Variants in ESRP1 observed in about 807,000 individuals in gnomAD.
The protein encoded by ESRP1 is epithelial splicing regulatory protein 1.
In ESRP1, 33 loss-of-function variants were observed where a neutral mutation model predicts 81.7. The ratio of observed to expected loss-of-function variants is 0.40; its 90% confidence interval spans 0.31 to 0.54. ESRP1 has a LOEUF of 0.54. Among genes scored for constraint, ESRP1 ranks in the 20% least tolerant of loss-of-function variants. The pLI is 0.41. For missense variants in ESRP1, 672 were observed against 833.1 expected (o/e 0.81, Z 2.38); for synonymous variants, 320 against 303.3 (o/e 1.06, Z -0.57).
chr8:94,647,109 A>G (rs1329449134), intron 4 of ESRP1, among the ~76,000 whole-genome samples: 1 of 152,230 alleles, frequency 6.6e-6, no homozygotes, highest in African/African-American at 2.4e-5. Flanking sequence ...TTCAGGAATT[A>G]AAACCTGGTT....
intron 13 of ESRP1, among the ~76,000 whole-genome samples, chr8:94,686,906 C>G (rs911324130): frequency 2.0e-5 from 3 of 152,112 alleles, no homozygotes; most frequent in Non-Finnish European, 4.4e-5. Flanking sequence ...TTATATTTCT[C>G]TAAACTACTG....
chr8:94,667,308 T>C (rs1676149731), intron 9 of ESRP1, among the ~76,000 whole-genome samples: 1 of 151,996 alleles, frequency 6.6e-6, no homozygotes. Flanking sequence ...CATTTAAGTA[T>C]TTGCTATATG....
At chr8:94,704,766 GAAAAAAAAAAAAAAA>G (rs10618511) in intron 15 of ESRP1, among the ~76,000 whole-genome samples, 2 of 108,752 alleles carry the variant, frequency 1.8e-5, no homozygotes, top group Non-Finnish European at 3.7e-5. Context: ...ATCTCTTTTT[GAAAAAAAAAAAAAAA>G]AAAAAAAAAA....
intron 13 of ESRP1, among the ~76,000 whole-genome samples, chr8:94,692,024 A>T (rs532349472): frequency 6.6e-6 from 1 of 152,204 alleles, no homozygotes; most frequent in South Asian, 2.1e-4. Context: ...TGTTCCTTGG[A>T]GGTTATGGTT....
At chr8:94,655,552 G>A (rs1456813658) in intron 4 of ESRP1, among the ~76,000 whole-genome samples, 3 of 151,858 alleles carry the variant, frequency 2.0e-5, no homozygotes, top group African/African-American at 7.3e-5. Flanking sequence ...TTCCTTCAAA[G>A]CTCACTTTAA....
In ESRP1 at chr8:94,668,270, A is replaced by G. The variant is rs749993626; in HGVS notation, c.1233+20A>G. 3 of 1,540,792 alleles carry G rather than the reference A, an allele frequency of 1.9e-6. No individual in the cohort carries two copies. Among genetic ancestry groups the G allele is most frequent in the African/African-American group, 2.7e-5 (2 of 72,746 alleles). On this transcript the variant is annotated intron_variant, in intron 10 of 15. Coordinates refer to ENST00000433389, the MANE Select transcript of ESRP1 (RefSeq NM_017697.4). ...CAGCAGGTTGGTTTTAAAAACAAGT[A>G]TGTTGTACCTTTGCATTAATTTCTG...
chr8:94,646,790 A>C (rs1817880152), intron 4 of ESRP1, among the ~76,000 whole-genome samples: 1 of 152,228 alleles, frequency 6.6e-6, no homozygotes, highest in South Asian at 2.1e-4. Flanking sequence ...AGATGATAAA[A>C]TGGGGTCTGG....
rs377154401 is a variant in ESRP1, at chr8:94,696,967, G to C, written c.*35+6G>C. On this transcript the variant is annotated splice_donor_region_variant and intron_variant, in intron 15 of 15. Coordinates refer to ENST00000433389, the MANE Select transcript of ESRP1 (RefSeq NM_017697.4). Reference sequence around the variant, plus strand: ...GAACATCCTCAGAAAAGAAGGTAAGGCTTTATGATGTGCAAGTTAAATTAT... The same window carrying C: ...GAACATCCTCAGAAAAGAAGGTAAGCCTTTATGATGTGCAAGTTAAATTAT... 3 of 1,529,252 alleles carry C rather than the reference G, an allele frequency of 2.0e-6. No homozygotes were observed. Among genetic ancestry groups the C allele is most frequent in the East Asian group, 2.4e-5 (1 of 41,642 alleles). The allele number at this position is 1,529,252 out of a possible 1,614,324, so 94.7% of individuals were successfully genotyped here.
At chr8:94,678,914 C>T (rs536393743) in intron 13 of ESRP1, among the ~76,000 whole-genome samples, 19 of 152,254 alleles carry the variant, frequency 1.2e-4, no homozygotes, top group African/African-American at 4.3e-4. Context: ...TTCAATTTCT[C>T]GGACATAGCA....
intron 15 of ESRP1, among the ~76,000 whole-genome samples, chr8:94,705,403 T>G (rs1377286438): frequency 1.3e-5 from 2 of 151,998 alleles, no homozygotes; most frequent in African/African-American, 2.4e-5. Flanking sequence ...CCTGACTTCA[T>G]GTGATCTGCC....
intron 4 of ESRP1, among the ~76,000 whole-genome samples, chr8:94,657,067 A>C (rs1285250205): frequency 2.0e-5 from 3 of 152,214 alleles, no homozygotes; most frequent in Non-Finnish European, 4.4e-5. Context: ...CCCTCCTGTT[A>C]ATATATAGAC....
chr8:94,656,667 GTC>G (rs1260549127), intron 4 of ESRP1, among the ~76,000 whole-genome samples: 1 of 152,116 alleles, frequency 6.6e-6, no homozygotes, highest in African/African-American at 2.4e-5. Context: ...GGTATTATAA[GTC>G]TGGCAGCATG....
chr8:94,704,589 A>C (rs1809981424), intron 15 of ESRP1, among the ~76,000 whole-genome samples: 1 of 151,906 alleles, frequency 6.6e-6, no homozygotes. Context: ...GATGGTGAGA[A>C]TCTGTCTTTA....
chr8:94,689,811 C>CTGTTTTTTTTTTTTTTTT (rs1809303768), intron 13 of ESRP1, among the ~76,000 whole-genome samples: 2 of 64,680 alleles, frequency 3.1e-5, no homozygotes, highest in Non-Finnish European at 5.9e-5. Context: ...TGATGCCTGG[C>CTGTTTTTTTTTTTTTTTT]TTTTTTTTTT....
At chr8:94,662,050 C>A (rs1348755296) in intron 4 of ESRP1, among the ~76,000 whole-genome samples, 1 of 152,108 alleles carries the variant, frequency 6.6e-6, no homozygotes, top group African/African-American at 2.4e-5. Context: ...AAATTGTATT[C>A]CTGGTAATAT....
rs1262292837 is a variant in ESRP1 at position 94,706,142 on chromosome 8, C to G, written c.*253C>G. The G allele has an allele frequency of 1.9e-6, 1 of 538,740 alleles. No homozygotes were observed. The highest frequency in any genetic ancestry group is 1.9e-5 in the African/African-American group (1 of 51,890). The allele number at this position is 538,740 out of a possible 1,614,324, so 33.4% of individuals were successfully genotyped here. A position where few individuals can be genotyped will look rare whatever the true frequency, so the allele number is the denominator to read the frequency against. ...AGCATGCAGCATACCTGGCTCTTTG[C>G]TGATTGCAAATAGGCATTTAAAATG... On this transcript the variant is annotated 3_prime_UTR_variant, in exon 16 of 16. Coordinates refer to ENST00000433389, the MANE Select transcript of ESRP1 (RefSeq NM_017697.4).
At chr8:94,698,878 G>T (rs536348254) in intron 15 of ESRP1, among the ~76,000 whole-genome samples, 1 of 152,294 alleles carries the variant, frequency 6.6e-6, no homozygotes, top group African/African-American at 2.4e-5. Context: ...TGGAAGTGAA[G>T]ATTTTTTTCA....
intron 12 of ESRP1, among the ~76,000 whole-genome samples, chr8:94,677,132 T>C (rs1048380734): frequency 6.6e-6 from 1 of 152,186 alleles, no homozygotes; most frequent in Non-Finnish European, 1.5e-5. Context: ...ATGAGATCAA[T>C]ATGTTAGTCT....
chr8:94,691,281 CAAAA>C (rs1050984587), intron 13 of ESRP1, among the ~76,000 whole-genome samples: 2 of 151,854 alleles, frequency 1.3e-5, no homozygotes, highest in African/African-American at 2.4e-5. Context: ...AACAAACAAA[CAAAA>C]AAACACAAAA....
Sources: allele counts gnomAD v4.1 joint callset (sites outside exome capture counted in the v4.1 genomes callset), GRCh38; gene constraint gnomAD v4.1.1; transcripts MANE v1.5; gene names NCBI Gene and HGNC (gene_info 2026-07-23, HGNC 2026-07-21).